The following DGKI variants were observed in gnomAD, a reference collection of about 807,000 sequenced individuals.
DGKI encodes the protein DAG kinase iota.
A neutral mutation model predicts 147.5 loss-of-function variants in DGKI; 55 were observed. The observed-to-expected ratio is 0.37, with a 90% CI of 0.30 to 0.47. The LOEUF is 0.47. Ranked by LOEUF, DGKI falls within the 20% of genes least tolerant of loss-of-function variation. The pLI, the probability that DGKI is intolerant of heterozygous loss-of-function variation, is 1.00. For synonymous variants in DGKI, 469 were observed against 477.1 expected (o/e 0.98, Z 0.22); for missense variants, 1,007 against 1,323.8 (o/e 0.76, Z 3.71).
At chr7:137,720,760 A>G (rs1411072832) in intron 1 of DGKI, among the ~76,000 whole-genome samples, 2 of 152,080 alleles carry the variant, frequency 1.3e-5, no homozygotes, top group African/African-American at 4.8e-5. Flanking sequence ...CTTTATTCCT[A>G]TTTGGTTAAT....
chr7:137,835,529 T>A (rs1004280560), intron 1 of DGKI, among the ~76,000 whole-genome samples: 1 of 152,196 alleles, frequency 6.6e-6, no homozygotes, highest in East Asian at 1.9e-4. Context: ...ATGAAATGGC[T>A]GCTGCTTAGC....
intron 8 of DGKI, among the ~76,000 whole-genome samples, chr7:137,619,596 T>C (rs1820669526): frequency 6.6e-6 from 1 of 152,188 alleles, no homozygotes; most frequent in South Asian, 2.1e-4. Context: ...GCAACATTCC[T>C]GCTCTAGAAC....
intron 7 of DGKI, among the ~76,000 whole-genome samples, chr7:137,620,481 C>T (rs182958552): frequency 3.9e-4 from 59 of 152,066 alleles, no homozygotes; most frequent in Non-Finnish European, 6.5e-4. Flanking sequence ...GTTGTCTTTC[C>T]GGTTTAGAGA....
intron 27 of DGKI, among the ~76,000 whole-genome samples, chr7:137,455,486 TA>T (rs1814157515): frequency 6.6e-6 from 1 of 152,076 alleles, no homozygotes; most frequent in African/African-American, 2.4e-5. Context: ...GGGAGGTACT[TA>T]ACTTAAAACA....
intron 3 of DGKI, among the ~76,000 whole-genome samples, chr7:137,669,146 TTCA>T (rs1404697195): frequency 1.3e-5 from 2 of 152,158 alleles, no homozygotes; most frequent in Non-Finnish European, 1.5e-5. Context: ...GCTCACACGC[TTCA>T]TCAACACATT....
chr7:137,530,052 A>G (rs7801751), intron 20 of DGKI, among the ~76,000 whole-genome samples: 2,085 of 152,254 alleles, frequency 0.014, 52 homozygotes, highest in African/African-American at 0.047. Flanking sequence ...GCACCCGGCC[A>G]TGTTATAACT....
chr7:137,742,296 C>T (rs564430285), intron 1 of DGKI, among the ~76,000 whole-genome samples: 29 of 152,010 alleles, frequency 1.9e-4, no homozygotes, highest in African/African-American at 5.8e-4. Flanking sequence ...GTGGTTGGTG[C>T]GCTGTTACAT....
At chr7:137,735,801 T>C (rs1222340273) in intron 1 of DGKI, among the ~76,000 whole-genome samples, 1 of 152,026 alleles carries the variant, frequency 6.6e-6, no homozygotes, top group Non-Finnish European at 1.5e-5. Flanking sequence ...GAGCAGACCC[T>C]ACCAAGACCC....
chr7:137,837,574 G>C (rs1798422341), intron 1 of DGKI, among the ~76,000 whole-genome samples: 1 of 152,196 alleles, frequency 6.6e-6, no homozygotes, highest in Non-Finnish European at 1.5e-5. Context: ...TCAGTCACAA[G>C]GGTGGGGCGC....
At chr7:137,496,502 A>AAAT (rs1340311736) in intron 21 of DGKI, among the ~76,000 whole-genome samples, 1 of 151,892 alleles carries the variant, frequency 6.6e-6, no homozygotes, top group Non-Finnish European at 1.5e-5. Flanking sequence ...ATAGCCAAGG[A>AAAT]AATAATAATA....
At chr7:137,485,830 C>T (rs6950770) in intron 22 of DGKI, among the ~76,000 whole-genome samples, 21,909 of 152,000 alleles carry the variant, frequency 0.14, 1,897 homozygotes, top group African/African-American at 0.24. Flanking sequence ...TTCTTTACCT[C>T]AGACCAGATA....
At chr7:137,477,190 T>A (rs1815198980) in intron 23 of DGKI, among the ~76,000 whole-genome samples, 1 of 152,114 alleles carries the variant, frequency 6.6e-6, no homozygotes, top group Non-Finnish European at 1.5e-5. Flanking sequence ...CCCTGCTGCC[T>A]AAGAATTCCA....
chr7:137,721,487 T>C (rs1794554999), intron 1 of DGKI, among the ~76,000 whole-genome samples: 2 of 152,222 alleles, frequency 1.3e-5, no homozygotes, highest in African/African-American at 4.8e-5. Context: ...ATACTATCTC[T>C]CCACTGCCTC....
At chr7:137,431,388 A>C (rs964574836) in intron 28 of DGKI, among the ~76,000 whole-genome samples, 1 of 152,090 alleles carries the variant, frequency 6.6e-6, no homozygotes, top group African/African-American at 2.4e-5. Flanking sequence ...GGCACTTTGC[A>C]TTGTCAGGAG....
intron 17 of DGKI, among the ~76,000 whole-genome samples, chr7:137,576,851 A>C (rs1186469239): frequency 6.6e-6 from 1 of 152,176 alleles, no homozygotes; most frequent in African/African-American, 2.4e-5. Context: ...GACCCAGCTA[A>C]CATCATTTTT....
chr7:137,613,077 G>A (rs987422234), intron 8 of DGKI, among the ~76,000 whole-genome samples: 6 of 151,952 alleles, frequency 3.9e-5, no homozygotes, highest in African/African-American at 1.5e-4. Context: ...AAATAGTTAC[G>A]GGTAAATCAC....
chr7:137,522,271 T>C (rs550697355), intron 20 of DGKI, among the ~76,000 whole-genome samples: 1 of 152,216 alleles, frequency 6.6e-6, no homozygotes, highest in East Asian at 1.9e-4. Context: ...GCTTGTTACA[T>C]AATAAATTAG....
At chr7:137,774,356 T>C (rs995672580) in intron 1 of DGKI, among the ~76,000 whole-genome samples, 4 of 152,102 alleles carry the variant, frequency 2.6e-5, no homozygotes, top group Admixed American at 2.6e-4. Context: ...CTTAGAAGGT[T>C]ACATGTTTGT....
chr7:137,481,519 C>T lies in DGKI; in HGVS notation c.2373+3855G>A, dbSNP rs76903225. 5.4e-4 allele frequency among the ~76,000 whole-genome samples: 82 copies of T among 152,126 alleles called. No homozygotes were observed. The East Asian group carries it at 0.015, about 29-fold the overall frequency. The stretch of plus-strand genomic sequence containing the variant: ...CATCAATGCTATTAGGATGGAGGGG[C>T]CTTTGAATTTTGACCTCAGAGATGG... On this transcript the variant is annotated intron_variant, in intron 23 of 32. Coordinates refer to ENST00000614521, the MANE Select transcript of DGKI (RefSeq NM_001321708.2).
Sources: gnomAD v4.1 joint callset for allele counts (sites outside exome capture counted in the v4.1 genomes callset) on GRCh38, gnomAD v4.1.1 for gene constraint, MANE v1.5 for transcripts, NCBI Gene and HGNC (gene_info 2026-07-23, HGNC 2026-07-21) for gene names.